The following NRXN1 variants were observed in gnomAD, a reference collection of about 807,000 sequenced individuals.
The protein encoded by NRXN1 is neurexin 1, also known as neurexin-1.
In NRXN1, 39 loss-of-function variants were observed where a neutral mutation model predicts 150.9. The ratio of observed to expected loss-of-function variants is 0.26; its 90% CI spans 0.20 to 0.34. The LOEUF is 0.34. Among genes scored for constraint, NRXN1 ranks in the 10% least tolerant of loss-of-function variants. The pLI, the probability that NRXN1 is intolerant of heterozygous loss-of-function variation, is 1.00. For missense variants in NRXN1, 1,815 were observed against 1,949.9 expected (o/e 0.93, Z 1.30); for synonymous variants, 924 against 757.0 (o/e 1.22, Z -3.62).
intron 5 of NRXN1, among the ~76,000 whole-genome samples, chr2:50,665,928 A>C (rs1687957393): frequency 6.6e-6 from 1 of 151,998 alleles, no homozygotes; most frequent in African/African-American, 2.4e-5. Flanking sequence ...ACACATGTTG[A>C]AAATATGTAA....
At chr2:50,407,821 A>T (rs2082862645) in intron 17 of NRXN1, among the ~76,000 whole-genome samples, 1 of 152,134 alleles carries the variant, frequency 6.6e-6, no homozygotes, top group South Asian at 2.1e-4. Flanking sequence ...TAAGAAATAT[A>T]TTCCATTTCT....
At chr2:49,936,816 G>GCACA (rs202032583) in intron 22 of NRXN1, among the ~76,000 whole-genome samples, 21,065 of 149,856 alleles carry the variant, frequency 0.14, 1,732 homozygotes, top group East Asian at 0.22. Context: ...AAAAACATAT[G>GCACA]TACACACACA....
chr2:50,728,712 C>G (rs1294008347), intron 5 of NRXN1, among the ~76,000 whole-genome samples: 1 of 152,118 alleles, frequency 6.6e-6, no homozygotes, highest in Non-Finnish European at 1.5e-5. Context: ...AACAGCTGAG[C>G]ACTTGCATCA....
chr2:50,488,643 T>C (rs11125313), intron 15 of NRXN1, among the ~76,000 whole-genome samples: 8,304 of 152,172 alleles, frequency 0.055, 783 homozygotes, highest in African/African-American at 0.19. Flanking sequence ...ACATCCTGTC[T>C]CCCTGTCCCT....
At chr2:50,012,208 A>T (rs186404335) in intron 21 of NRXN1, among the ~76,000 whole-genome samples, 25 of 152,246 alleles carry the variant, frequency 1.6e-4, no homozygotes, top group African/African-American at 5.1e-4. Flanking sequence ...CTTGATCAAA[A>T]CAGGGGCATG....
intron 5 of NRXN1, among the ~76,000 whole-genome samples, chr2:50,683,646 A>AAAAAAAAAAAAAATATATATATATAT: frequency 2.4e-3 from 35 of 14,834 alleles, no homozygotes; most frequent in East Asian, 3.8e-3. Flanking sequence ...AAAAAAAAAA[A>AAAAAAAAAAAAAATATATATATATAT]ATATATATAT....
At chr2:50,752,563 T>C (rs1297592673) in intron 5 of NRXN1, among the ~76,000 whole-genome samples, 4 of 151,878 alleles carry the variant, frequency 2.6e-5, no homozygotes, top group African/African-American at 7.3e-5. Context: ...ATTCCCATCC[T>C]TACCCATGCT....
intron 18 of NRXN1, among the ~76,000 whole-genome samples, chr2:50,100,213 C>G (rs563015755): frequency 6.6e-5 from 10 of 152,202 alleles, no homozygotes; most frequent in African/African-American, 2.4e-4. Flanking sequence ...CTTTTGTGAA[C>G]CATGTATGTT....
At chr2:50,791,695 G>T (rs537243072) in intron 5 of NRXN1, among the ~76,000 whole-genome samples, 1 of 152,042 alleles carries the variant, frequency 6.6e-6, no homozygotes, top group Non-Finnish European at 1.5e-5. Flanking sequence ...TTGTATAGCC[G>T]CAATTATACT....
In NRXN1 at chr2:50,623,439, T is replaced by C; in HGVS notation, c.1009A>G (p.Asn337Asp). The C allele has an allele frequency of 2.5e-6, 4 of 1,613,436 alleles. No individual in the cohort carries two copies. The highest frequency in any genetic ancestry group is 3.4e-6 in the Non-Finnish European group (4 of 1,179,548). Residue 337 changes from asparagine (N) to aspartate (D), a missense_variant, in exon 6 of 23, where the codon AAT becomes GAT. By Grantham distance (23) the Asn-to-Asp change is conservative. This residue lies in a region of NRXN1 where 554 missense variants were observed against 478.8 expected (regional missense o/e 1.16). Transcript: ENST00000401669. ...TTAATGACCAGAGAGACAGCTCCAT[T>C]TTTCAGGGCAAGATTGACATAATCA... The part of the protein sequence containing the change: ...SADYVNLALK[N>D]GAVSLVINLG...
intron 8 of NRXN1, among the ~76,000 whole-genome samples, chr2:50,590,888 C>A (rs1407743904): frequency 6.6e-6 from 1 of 152,100 alleles, no homozygotes; most frequent in East Asian, 1.9e-4. Context: ...ACTAAGATCT[C>A]AACATACTCT....
intron 9 of NRXN1, among the ~76,000 whole-genome samples, chr2:50,541,020 C>A (rs1423507213): frequency 6.6e-6 from 1 of 151,902 alleles, no homozygotes; most frequent in Non-Finnish European, 1.5e-5. Context: ...CCAATTAGTT[C>A]AATAAGGCCT....
At chr2:50,768,572 G>A (rs537459232) in intron 5 of NRXN1, among the ~76,000 whole-genome samples, 4 of 151,816 alleles carry the variant, frequency 2.6e-5, no homozygotes, top group South Asian at 2.1e-4. Flanking sequence ...CTCCCAAAGC[G>A]CTGGGATTAT....
chr2:50,930,702 G>A (rs567528409), intron 2 of NRXN1, among the ~76,000 whole-genome samples: 6 of 152,274 alleles, frequency 3.9e-5, no homozygotes, highest in African/African-American at 1.4e-4. Flanking sequence ...AACAGTGACT[G>A]TAAACATGGT....
chr2:50,219,967 A>ATATATATAATATATATAT (rs2063731099), intron 18 of NRXN1, among the ~76,000 whole-genome samples: 1 of 54,950 alleles, frequency 1.8e-5, no homozygotes, highest in East Asian at 3.4e-4. Context: ...TATATATTAT[A>ATATATATAATATATATAT]TATATATAAT....
chr2:50,550,405 C>T (rs1667269290), intron 9 of NRXN1, among the ~76,000 whole-genome samples: 1 of 152,048 alleles, frequency 6.6e-6, no homozygotes, highest in Non-Finnish European at 1.5e-5. Flanking sequence ...TAAAATCTGA[C>T]TTAAAATATC....
chr2:50,818,804 C>T (rs1269577989), intron 5 of NRXN1, among the ~76,000 whole-genome samples: 1 of 152,022 alleles, frequency 6.6e-6, no homozygotes, highest in Non-Finnish European at 1.5e-5. Flanking sequence ...ATATAAAAAA[C>T]TCCATAACTC....
At chr2:50,360,326 G>C (rs567888832) in intron 17 of NRXN1, among the ~76,000 whole-genome samples, 8 of 152,302 alleles carry the variant, frequency 5.3e-5, no homozygotes, top group African/African-American at 1.9e-4. Flanking sequence ...AAATTGGATA[G>C]AGTCAAGACC....
chr2:50,630,939 T>A (rs2113405), intron 5 of NRXN1, among the ~76,000 whole-genome samples: 1 of 151,726 alleles, frequency 6.6e-6, no homozygotes, highest in East Asian at 1.9e-4. Context: ...TGCTATAAGA[T>A]AAAACAACTT....
Sources: gnomAD v4.1 joint callset for allele counts (sites outside exome capture counted in the v4.1 genomes callset) on GRCh38, gnomAD v4.1.1 for gene constraint, gnomAD v4.1.1 regional missense constraint, MANE v1.5 for transcripts, NCBI Gene and HGNC (gene_info 2026-07-23, HGNC 2026-07-21) for gene names.